ZMIZ1: variants seen among roughly 807,000 people sequenced by gnomAD.
The protein encoded by ZMIZ1 is zinc finger MIZ domain-containing protein 1.
In ZMIZ1, 17 loss-of-function variants were observed where a neutral mutation model predicts 113.9. The observed-to-expected ratio is 0.15, with a 90% CI of 0.10 to 0.22. The LOEUF (loss-of-function observed/expected upper bound fraction) is 0.22. Among genes scored for constraint, ZMIZ1 ranks in the 10% least tolerant of loss-of-function variants. The pLI is 1.00. For missense variants in ZMIZ1, 1,059 were observed against 1,477.8 expected (o/e 0.72, Z 4.65); for synonymous variants, 607 against 603.1 (o/e 1.01, Z -0.09).
chr10:79,125,135 G>T (rs1352704836), intron 2 of ZMIZ1, among the ~76,000 whole-genome samples: 1 of 152,192 alleles, frequency 6.6e-6, no homozygotes, highest in African/African-American at 2.4e-5. Flanking sequence ...AGGCGCTGGG[G>T]CTTTCTACCA....
chr10:79,216,248 G>A lies in ZMIZ1; in HGVS notation c.254G>A (p.Arg85Gln), dbSNP rs762370940. The A allele has an allele frequency of 1.4e-5, 22 of 1,592,448 alleles. No homozygotes were observed. In the South Asian group the frequency reaches 2.0e-4, roughly 15 times the overall value. The part of the protein sequence containing the change: ...YRLLAVCAAN[R>Q]DKFTPKSAAL... ...CTGCTGGCTGTGTGTGCTGCAAACCGAGACAAGTTCACCCCGAAGTCTGCC... is the reference window on the plus strand; with the variant it reads ...CTGCTGGCTGTGTGTGCTGCAAACCAAGACAAGTTCACCCCGAAGTCTGCC... Residue 85 changes from arginine (R) to glutamine (Q), a missense_variant, in exon 7 of 25, where the codon CGA (arginine) becomes CAA (glutamine). This residue lies in a region of ZMIZ1 where 272 missense variants were observed against 350.4 expected (regional missense o/e 0.78). Coordinates refer to ENST00000334512, the MANE Select transcript of ZMIZ1 (RefSeq NM_020338.4).
chr10:79,233,988 G>T (rs1239949157), intron 7 of ZMIZ1, among the ~76,000 whole-genome samples: 6 of 152,184 alleles, frequency 3.9e-5, no homozygotes, highest in Middle Eastern at 3.4e-3. Context: ...GAGCAACCCA[G>T]GCTGAGGGCA....
intron 7 of ZMIZ1, among the ~76,000 whole-genome samples, chr10:79,218,115 C>T (rs1848812195): frequency 6.6e-6 from 1 of 152,154 alleles, no homozygotes; most frequent in African/African-American, 2.4e-5. Flanking sequence ...TTTGGGGGCT[C>T]TGTGAAAGCT....
chr10:79,239,082 T>TGAGGGGGGAAAGG (rs1410360389), intron 7 of ZMIZ1, among the ~76,000 whole-genome samples: 1 of 152,092 alleles, frequency 6.6e-6, no homozygotes, highest in East Asian at 1.9e-4. Context: ...TTGACCAGGA[T>TGAGGGGGGAAAGG]GAGGGGGGAA....
intron 1 of ZMIZ1, among the ~76,000 whole-genome samples, chr10:79,102,055 C>A (rs547422613): frequency 6.6e-6 from 1 of 152,306 alleles, no homozygotes; most frequent in East Asian, 1.9e-4. Flanking sequence ...AACTCTGGCT[C>A]CTGCTCTCAA....
chr10:79,178,149 G>C (rs1846949409), intron 4 of ZMIZ1, among the ~76,000 whole-genome samples: 1 of 152,176 alleles, frequency 6.6e-6, no homozygotes, highest in Non-Finnish European at 1.5e-5. Flanking sequence ...GGGCAGCTTG[G>C]CCGGGACCCT....
At chr10:79,304,904 A>G (rs1934067127) in intron 19 of ZMIZ1, among the ~76,000 whole-genome samples, 1 of 152,094 alleles carries the variant, frequency 6.6e-6, no homozygotes, top group Non-Finnish European at 1.5e-5. Context: ...TGGGGTGGGA[A>G]CCAGGAAGGC....
At chr10:79,203,424 C>G (rs917150866) in intron 5 of ZMIZ1, among the ~76,000 whole-genome samples, 1 of 152,168 alleles carries the variant, frequency 6.6e-6, no homozygotes, top group Non-Finnish European at 1.5e-5. Context: ...GACGCCAAGA[C>G]TCCCTCCTCC....
chr10:79,089,411 T>C (rs1173883465), intron 1 of ZMIZ1, among the ~76,000 whole-genome samples: 1 of 152,216 alleles, frequency 6.6e-6, no homozygotes, highest in Non-Finnish European at 1.5e-5. Flanking sequence ...TGAACTCAGC[T>C]CAGGGTGTTT....
chr10:79,293,912 T>A, intron 12 of ZMIZ1: 2 of 579,048 alleles, frequency 3.5e-6, no homozygotes, highest in Non-Finnish European at 6.1e-6. Context: ...TGCTTGGCCC[T>A]GGGCTGGCAT....
At chr10:79,243,290 C>G (rs1174985088) in intron 7 of ZMIZ1, among the ~76,000 whole-genome samples, 1 of 150,376 alleles carries the variant, frequency 6.6e-6, no homozygotes, top group African/African-American at 2.4e-5. Context: ...CGCCCCCGGC[C>G]CATCCCCGTC....
At chr10:79,088,654 G>A (rs1388381679) in intron 1 of ZMIZ1, among the ~76,000 whole-genome samples, 2 of 152,222 alleles carry the variant, frequency 1.3e-5, no homozygotes, top group Admixed American at 1.3e-4. Context: ...CCCTGGGCCA[G>A]GACTACTGTT....
intron 5 of ZMIZ1, among the ~76,000 whole-genome samples, chr10:79,206,340 G>A (rs1359428577): frequency 6.6e-6 from 1 of 152,200 alleles, no homozygotes; most frequent in African/African-American, 2.4e-5. Context: ...GGGGCAGGCA[G>A]CTCTGAGGCA....
At chr10:79,246,563 C>T (rs947095961) in intron 7 of ZMIZ1, among the ~76,000 whole-genome samples, 5 of 152,082 alleles carry the variant, frequency 3.3e-5, no homozygotes, top group African/African-American at 1.2e-4. Context: ...GGTACAGGCC[C>T]GAACCCAGCA....
chr10:79,156,782 A>G (rs1845919096), intron 3 of ZMIZ1, among the ~76,000 whole-genome samples: 1 of 152,156 alleles, frequency 6.6e-6, no homozygotes, highest in Non-Finnish European at 1.5e-5. Flanking sequence ...CTAGGTCCTC[A>G]TTCATTTCTG....
intron 7 of ZMIZ1, among the ~76,000 whole-genome samples, chr10:79,240,463 A>G (rs1849774995): frequency 6.6e-6 from 1 of 152,164 alleles, no homozygotes; most frequent in Non-Finnish European, 1.5e-5. Context: ...GTATTTCTGT[A>G]GACCGGAGGC....
At chr10:79,133,430 C>T (rs1301793336) in intron 2 of ZMIZ1, among the ~76,000 whole-genome samples, 1 of 152,174 alleles carries the variant, frequency 6.6e-6, no homozygotes, top group East Asian at 1.9e-4. Context: ...CTTCCCTCTG[C>T]ACCTCAGGGG....
intron 1 of ZMIZ1, among the ~76,000 whole-genome samples, chr10:79,117,699 A>G (rs534414231): frequency 1.3e-5 from 2 of 152,282 alleles, no homozygotes; most frequent in East Asian, 3.9e-4. Flanking sequence ...TATTCTTCCA[A>G]GTGGTGGGTC....
intron 11 of ZMIZ1, among the ~76,000 whole-genome samples, chr10:79,293,052 C>T (rs936629831): frequency 1.3e-5 from 2 of 152,154 alleles, no homozygotes; most frequent in African/African-American, 4.8e-5. Flanking sequence ...CCATACCCCT[C>T]CCTGTCCCTG....
Sources: allele counts gnomAD v4.1 joint callset (sites outside exome capture counted in the v4.1 genomes callset), GRCh38; gene constraint gnomAD v4.1.1; regional missense constraint gnomAD v4.1.1; transcripts MANE v1.5; gene names NCBI Gene and HGNC (gene_info 2026-07-23, HGNC 2026-07-21).